Variants in ATP10A observed in about 807,000 individuals in gnomAD.
The protein encoded by ATP10A is ATPase phospholipid transporting 10A (putative), also known as phospholipid-transporting ATPase VA.
ATP10A carries 111 observed loss-of-function variants against 147.8 expected under a neutral mutation model. The ratio of observed to expected loss-of-function variants is 0.75; its 90% CI spans 0.64 to 0.88. The LOEUF is 0.88. ATP10A is among the 40% of genes least tolerant of loss of function. ATP10A has a pLI of 0.00. For missense variants in ATP10A, 1,927 were observed against 1,959.0 expected (o/e 0.98, Z 0.31); for synonymous variants, 875 against 841.6 (o/e 1.04, Z -0.69).
Position 25,779,845 on chromosome 15 carries a change from AACACACACAC to A in ATP10A, c.654+1164_654+1173del, listed in dbSNP as rs56111172. Among the ~76,000 whole-genome samples, 169 of 147,248 alleles carry A rather than the reference AACACACACAC, an allele frequency of 1.1e-3. 1 individual carries two copies. Among genetic ancestry groups the A allele is most frequent in the African/African-American group, 2.0e-3 (78 of 39,330 alleles). On this transcript the variant is annotated intron_variant, in intron 2 of 20. Coordinates refer to ENST00000555815, the MANE Select transcript of ATP10A (RefSeq NM_024490.4). ...TACACTTGGCATAAAAGAAGGTTAA[AACACACACAC>A]ACACACACACACACACACACACACA...
intron 1 of ATP10A, among the ~76,000 whole-genome samples, chr15:25,803,371 G>A (rs1182244451): frequency 1.3e-5 from 2 of 152,246 alleles, no homozygotes; most frequent in Non-Finnish European, 2.9e-5. Context: ...TGGGGCACAG[G>A]GTGGGCACTG....
intron 2 of ATP10A, among the ~76,000 whole-genome samples, chr15:25,768,541 T>TC (rs1491133006): frequency 2.0e-4 from 2 of 10,044 alleles, no homozygotes; most frequent in African/African-American, 4.9e-4. Flanking sequence ...TCTCTCTCTC[T>TC]TTTTTTTTTT....
chr15:25,802,065 C>G (rs1596915826), intron 1 of ATP10A, among the ~76,000 whole-genome samples: 1 of 152,164 alleles, frequency 6.6e-6, no homozygotes, highest in South Asian at 2.1e-4. Flanking sequence ...TTTGTTCTCC[C>G]AAGAGCCTTT....
Position 25,716,759 on chromosome 15 carries a change from C to T in ATP10A, c.1747G>A (p.Val583Ile), listed in dbSNP as rs763937353. The T allele has an allele frequency of 3.8e-6, 6 of 1,598,234 alleles. No homozygotes were observed. The highest frequency in any genetic ancestry group is 2.3e-5 in the South Asian group (2 of 88,624). Residue 583 changes from valine (V) to isoleucine (I), a missense_variant, in exon 9 of 21, where the codon GTC (valine) becomes ATC (isoleucine). Physicochemically the swap from Val to Ile is conservative, Grantham distance 29. Transcript: ENST00000555815. ...IALTICNTVV[V>I]TSPDQPRTKV... ...GTTCGTGGCTGATCCGGGGACGTGA[C>T]GACGACTGTGTTGCAGATGGTGAGT...
intron 1 of ATP10A, among the ~76,000 whole-genome samples, chr15:25,797,761 C>A (rs936457664): frequency 6.6e-6 from 1 of 152,108 alleles, no homozygotes; most frequent in East Asian, 1.9e-4. Context: ...GGCACATCAC[C>A]AGGAGACTGC....
At chr15:25,762,652 G>A (rs1261882533) in intron 2 of ATP10A, among the ~76,000 whole-genome samples, 1 of 152,146 alleles carries the variant, frequency 6.6e-6, no homozygotes, top group African/African-American at 2.4e-5. Context: ...CACAATCATA[G>A]CTCACTGCAA....
At chr15:25,769,066 T>C (rs951921245) in intron 2 of ATP10A, among the ~76,000 whole-genome samples, 15 of 152,178 alleles carry the variant, frequency 9.9e-5, no homozygotes, top group African/African-American at 3.6e-4. Flanking sequence ...GTGCCTTGAC[T>C]CTCACACACA....
chr15:25,764,895 C>T (rs1354044504), intron 2 of ATP10A, among the ~76,000 whole-genome samples: 2 of 152,166 alleles, frequency 1.3e-5, no homozygotes, highest in African/African-American at 4.8e-5. Flanking sequence ...GCTTCCATGA[C>T]TGGGTTCAGG....
At chr15:25,766,524 C>T (rs1889030613) in intron 2 of ATP10A, among the ~76,000 whole-genome samples, 1 of 152,040 alleles carries the variant, frequency 6.6e-6, no homozygotes, top group South Asian at 2.1e-4. Flanking sequence ...GCCCACACCC[C>T]TCCTGAAATA....
chr15:25,714,066 A>G lies in ATP10A; in HGVS notation c.1952T>C (p.Leu651Pro). The G allele has an allele frequency of 2.5e-6, 4 of 1,612,998 alleles. No homozygotes were observed. Among genetic ancestry groups the G allele is most frequent in the Non-Finnish European group, 3.4e-6 (4 of 1,180,012 alleles). The stretch of plus-strand genomic sequence containing the variant: ...GCCCAGCCTCTCCTCCAGCCTGAGA[A>G]GCATGCCGTCGCTGGACGGGGTGGA... ...FPSTPSSDGM[L>P]LRLEERLGQP... Residue 651 changes from leucine (L) to proline (P), a missense_variant, in exon 10 of 21, where the codon CTT becomes CCT. Transcript: ENST00000555815.
chr15:25,712,466 G>A (rs924009810), intron 10 of ATP10A, among the ~76,000 whole-genome samples: 6 of 152,278 alleles, frequency 3.9e-5, no homozygotes, highest in South Asian at 2.1e-4. Flanking sequence ...GACATCACCC[G>A]TCATGCTGTG....
At chr15:25,860,781 C>T (rs1008515463) in intron 1 of ATP10A, among the ~76,000 whole-genome samples, 2 of 152,206 alleles carry the variant, frequency 1.3e-5, no homozygotes, top group Admixed American at 6.5e-5. Flanking sequence ...ACCTCAGTTT[C>T]CTCATCGGCA....
intron 2 of ATP10A, among the ~76,000 whole-genome samples, chr15:25,739,568 G>C (rs1375688568): frequency 6.6e-6 from 1 of 152,118 alleles, no homozygotes; most frequent in Non-Finnish European, 1.5e-5. Flanking sequence ...CCTGTGCTTG[G>C]GATGACAGAC....
chr15:25,835,624 A>G (rs1793357880), intron 1 of ATP10A, among the ~76,000 whole-genome samples: 1 of 151,994 alleles, frequency 6.6e-6, no homozygotes, highest in Non-Finnish European at 1.5e-5. Context: ...CCTCCCAATC[A>G]GTATTCCACT....
Position 25,679,591 on chromosome 15 carries a change from G to C in ATP10A, c.4250C>G (p.Ala1417Gly), listed in dbSNP as rs200151540. 1 of 1,610,594 alleles carries C rather than the reference G, an allele frequency of 6.2e-7. No homozygotes were observed. Among genetic ancestry groups the C allele is most frequent in the Non-Finnish European group, 8.5e-7 (1 of 1,177,512 alleles). Reference protein sequence around the residue: ...GGCPEESKVRAASTGRVTPLS... With the variant: ...GGCPEESKVRGASTGRVTPLS... ...GGGGGTCACCCTGCCGGTGCTGGCA[G>C]CTCTCACCTTGGACTCCTCAGGACA... Residue 1417 changes from alanine to glycine, a missense_variant, in exon 21 of 21, where the codon GCT becomes GGT. Coordinates refer to ENST00000555815, the MANE Select transcript of ATP10A (RefSeq NM_024490.4).
intron 13 of ATP10A, among the ~76,000 whole-genome samples, chr15:25,700,969 G>A (rs1900629524): frequency 6.6e-6 from 1 of 151,830 alleles, no homozygotes; most frequent in African/African-American, 2.4e-5. Context: ...AGGCTCTGAA[G>A]CAGGGTGACC....
Position 25,772,365 on chromosome 15 carries a change from C to A in ATP10A, c.654+8654G>T, listed in dbSNP as rs556137749. On this transcript the variant is annotated intron_variant, in intron 2 of 20. Coordinates refer to ENST00000555815, the MANE Select transcript of ATP10A (RefSeq NM_024490.4). ...ATCTCAGCTTCAGAACCCGACTTTG[C>A]ACCCAAAACCTTTCCCTGCCCACTT... is the stretch of plus-strand genomic sequence containing the variant. 3.3e-3 allele frequency among the ~76,000 whole-genome samples: 503 copies of A among 152,272 alleles called. 3 individuals carry two copies. Among genetic ancestry groups the A allele is most frequent in the South Asian group, 9.1e-3 (44 of 4,820 alleles).
intron 1 of ATP10A, among the ~76,000 whole-genome samples, chr15:25,786,946 T>G (rs906081029): frequency 1.3e-5 from 2 of 152,010 alleles, no homozygotes; most frequent in African/African-American, 4.8e-5. Context: ...ATTATCATCT[T>G]AATTGTAATA....
At chr15:25,685,202 C>T (rs868191251) in intron 16 of ATP10A, among the ~76,000 whole-genome samples, 1 of 152,204 alleles carries the variant, frequency 6.6e-6, no homozygotes, top group Non-Finnish European at 1.5e-5. Flanking sequence ...GAAAGGCCAC[C>T]TTATTCCTAA....
Sources: gnomAD v4.1 joint callset for allele counts (sites outside exome capture counted in the v4.1 genomes callset) on GRCh38, gnomAD v4.1.1 for gene constraint, MANE v1.5 for transcripts, NCBI Gene and HGNC (gene_info 2026-07-23, HGNC 2026-07-21) for gene names.